The following TRIM67 variants were observed in gnomAD, a reference collection of about 807,000 sequenced individuals.
TRIM67 encodes the protein tripartite motif-containing protein 67.
Under a neutral mutation model 71.0 loss-of-function variants are expected in TRIM67, and 39 were observed. The ratio of observed to expected loss-of-function variants is 0.55; its 90% CI spans 0.43 to 0.72. TRIM67 has a LOEUF of 0.72. Among genes scored for constraint, TRIM67 ranks in the 30% least tolerant of loss-of-function variants. The pLI, the probability that TRIM67 is intolerant of heterozygous loss-of-function variation, is 0.00. For synonymous variants in TRIM67, 481 were observed against 473.9 expected, an observed-to-expected ratio of 1.01 and a Z score of -0.19; for missense variants, 973 against 1,079.2, an observed-to-expected ratio of 0.90 and a Z score of 1.38.
intron 1 of TRIM67, among the ~76,000 whole-genome samples, chr1:231,180,716 C>T (rs1208166299): frequency 1.3e-5 from 2 of 152,204 alleles, no homozygotes; most frequent in African/African-American, 4.8e-5. Context: ...AAATCCCTAA[C>T]ATCTGCACTC....
intron 1 of TRIM67, 145 bp from the exon 2 acceptor site, chr1:231,197,226 G>A: frequency 1.6e-6 from 1 of 629,900 alleles, no homozygotes; most frequent in Non-Finnish European, 2.8e-6. Context: ...TCATGGGTCA[G>A]TGGTGGTCCC....
rs1682326056 is a variant in TRIM67 at position 231,162,871 on chromosome 1, C to A, written c.-99C>A. ...ATGCCCGTGTGATGCCCCCGCCCGTCGTCTCACCGGGGCGCACCGCGCTGG... is the reference window on the plus strand; with the variant it reads ...ATGCCCGTGTGATGCCCCCGCCCGTAGTCTCACCGGGGCGCACCGCGCTGG... On this transcript the variant is annotated 5_prime_UTR_variant, in exon 1 of 10. Transcript: ENST00000366653. 20 of 1,480,052 alleles carry A rather than the reference C, an allele frequency of 1.4e-5. No individual in the cohort carries two copies. The highest frequency in any genetic ancestry group is 7.5e-5 in the East Asian group (3 of 40,144). The allele number at this position is 1,480,052 out of a possible 1,614,324, so 91.7% of individuals were successfully genotyped here.
intron 3 of TRIM67, 51 bp from the exon 4 acceptor site, chr1:231,200,097 C>A: frequency 1.4e-6 from 2 of 1,415,792 alleles, no homozygotes; most frequent in Non-Finnish European, 2.0e-6. Flanking sequence ...CGGTGGCCTG[C>A]CTGTTCTTCC....
At chr1:231,212,334 A>G (rs1683895167) in intron 8 of TRIM67, among the ~76,000 whole-genome samples, 1 of 152,158 alleles carries the variant, frequency 6.6e-6, no homozygotes, top group Non-Finnish European at 1.5e-5. Context: ...AAATCCTAAG[A>G]ACTTCATACA....
At chr1:231,206,910 G>A in intron 7 of TRIM67, 120 bp downstream of exon 7, 4 of 1,141,184 alleles carry the variant, frequency 3.5e-6, no homozygotes, top group Non-Finnish European at 2.4e-6. Flanking sequence ...GCTGGGCACG[G>A]CTGGGTTCTC....
intron 1 of TRIM67, chr1:231,186,124 G>A (rs1355731855): frequency 6.5e-7 from 1 of 1,533,224 alleles, no homozygotes; most frequent in South Asian, 1.2e-5. Context: ...GAATACATCG[G>A]TGAATGGATG....
rs1683705558 is a variant in TRIM67 at position 231,206,617 on chromosome 1, A to G, written c.1681-35A>G. 3 of 1,525,186 alleles carry G rather than the reference A, an allele frequency of 2.0e-6. 1 individual carries two copies. The highest frequency in any genetic ancestry group is 2.8e-5 in the African/African-American group (2 of 71,482). The allele number at this position is 1,525,186 out of a possible 1,614,324, so 94.5% of individuals were successfully genotyped here. A position where few individuals can be genotyped will look rare whatever the true frequency, so the allele number is the denominator to read the frequency against. ...TGCTAAGAGGAGCTTTCCAAATGCT[A>G]GAGGAGCCTGGTGAGCAGCATTGCT... On this transcript the variant is annotated intron_variant, in intron 6 of 9. Transcript: ENST00000366653.
chr1:231,206,103 T>G (rs1683687551), intron 6 of TRIM67, among the ~76,000 whole-genome samples: 1 of 152,138 alleles, frequency 6.6e-6, no homozygotes, highest in African/African-American at 2.4e-5. Flanking sequence ...AATTTCCCTT[T>G]TTAATAACTT....
chr1:231,162,978 A>G lies in TRIM67; in HGVS notation c.9A>G (p.Glu3=). 5 of 1,611,188 alleles carry G rather than the reference A, an allele frequency of 3.1e-6. No homozygotes were observed. The highest frequency in any genetic ancestry group is 4.2e-6 in the Non-Finnish European group (5 of 1,178,428). ME[E]ELKCPVCGSL... is the part of the protein sequence containing the mutation. ...TGGCAGCCGGCGCCGCGATGGAGGA[A>G]GAGCTGAAGTGTCCCGTGTGCGGCT... The change falls in exon 1 of 10, where the codon GAA becomes GAG. Residue 3 remains glutamate (E), a synonymous_variant. Coordinates refer to ENST00000366653, the MANE Select transcript of TRIM67 (RefSeq NM_001004342.5).
intron 1 of TRIM67, among the ~76,000 whole-genome samples, chr1:231,181,973 C>A (rs1682918464): frequency 6.6e-6 from 1 of 152,220 alleles, no homozygotes; most frequent in Non-Finnish European, 1.5e-5. Context: ...GGATATTTAG[C>A]ATACTTCCGC....
chr1:231,167,991 T>G (rs951750261), intron 1 of TRIM67, among the ~76,000 whole-genome samples: 1 of 152,004 alleles, frequency 6.6e-6, no homozygotes, highest in African/African-American at 2.4e-5. Context: ...AGACAGGGTC[T>G]CTCTCTGTTG....
chr1:231,180,924 G>T (rs545835669), intron 1 of TRIM67, among the ~76,000 whole-genome samples: 17 of 152,184 alleles, frequency 1.1e-4, no homozygotes, highest in Non-Finnish European at 1.9e-4. Context: ...AATGTGAGTG[G>T]GATGGATAGT....
At position 231,215,757 on chromosome 1, in the gene TRIM67, C is replaced by A. The variant is rs1683999775; in HGVS notation, c.*317C>A. 8.7e-7 allele frequency: 1 copy of A among 1,145,914 alleles called. No homozygotes were observed. Among genetic ancestry groups the A allele is most frequent in the African/African-American group, 1.6e-5 (1 of 62,614 alleles). The allele number at this position is 1,145,914 out of a possible 1,614,324, so 71.0% of individuals were successfully genotyped here. ...TCGGGCTTCATGTCTATGTTTCCTG[C>A]CATCTGTTTTCAAAGCTTGTCTTTT... On this transcript the variant is annotated 3_prime_UTR_variant, in exon 10 of 10. Transcript: ENST00000366653.
chr1:231,163,524 C>A lies in TRIM67; in HGVS notation c.555C>A (p.Ile185=), dbSNP rs996918173. The part of the protein sequence containing the change: ...GFQRNRLLEA[I]VQRYQQGRGA... Reference sequence around the variant, plus strand: ...AGCGCAACCGGCTGCTCGAGGCCATCGTGCAGCGGTACCAGCAGGGCCGCG... The same window carrying A: ...AGCGCAACCGGCTGCTCGAGGCCATAGTGCAGCGGTACCAGCAGGGCCGCG... Residue 185 remains isoleucine, a synonymous_variant, in exon 1 of 10, where the codon ATC becomes ATA. Coordinates refer to ENST00000366653, the MANE Select transcript of TRIM67 (RefSeq NM_001004342.5). 21 of 1,515,552 alleles carry A rather than the reference C, an allele frequency of 1.4e-5. No individual in the cohort carries two copies. Among genetic ancestry groups the A allele is most frequent in the Non-Finnish European group, 1.8e-5 (21 of 1,137,628 alleles). 93.9% of individuals were successfully genotyped at this position (1,515,552 alleles called of 1,614,324 possible).
chr1:231,169,267 C>G (rs113968776), intron 1 of TRIM67, among the ~76,000 whole-genome samples: 1,861 of 151,152 alleles, frequency 0.012, 16 homozygotes, highest in Middle Eastern at 0.031. Context: ...GTTGGCCAGG[C>G]TGGTCTTGAA....
chr1:231,214,620 C>CA lies in TRIM67; in HGVS notation c.2286+653dup, dbSNP rs570711072. Among the ~76,000 whole-genome samples, 796 of 145,842 alleles carry CA rather than the reference C, an allele frequency of 5.5e-3. 2 individuals carry two copies. The highest frequency in any genetic ancestry group is 7.9e-3 in the South Asian group (36 of 4,574). On this transcript the variant is annotated intron_variant, in intron 9 of 9. Coordinates refer to ENST00000366653, the MANE Select transcript of TRIM67 (RefSeq NM_001004342.5). Reference sequence around the variant, plus strand: ...TGAAACCCTGTCTCTACTAAAAATACAAAAAAAAAATAGCTGGGCATGGTA... The same window carrying CA: ...TGAAACCCTGTCTCTACTAAAAATACAAAAAAAAAAATAGCTGGGCATGGTA...
intron 1 of TRIM67, chr1:231,184,339 T>C (rs1469598760): frequency 6.6e-6 from 1 of 152,036 alleles, no homozygotes; most frequent in Non-Finnish European, 1.5e-5. Flanking sequence ...GTTCAGGTGG[T>C]AGAATGAGGA....
In TRIM67 at chr1:231,173,879, G is replaced by C. The variant is rs900982577; in HGVS notation, c.1044+9866G>C. On this transcript the variant is annotated intron_variant, in intron 1 of 9. Transcript: ENST00000366653. Reference sequence around the variant, plus strand: ...GTTTGGGCCATAAATATGGGGACTTGAATTAGGAGAGAGGCAGCAGAAATG... The same window carrying C: ...GTTTGGGCCATAAATATGGGGACTTCAATTAGGAGAGAGGCAGCAGAAATG... 2.6e-5 allele frequency among the ~76,000 whole-genome samples: 4 copies of C among 152,292 alleles called. No homozygotes were observed. The Middle Eastern group carries it at 0.01, about 389-fold the overall frequency.
chr1:231,206,127 AT>A (rs530000736), intron 6 of TRIM67, among the ~76,000 whole-genome samples: 41 of 150,634 alleles, frequency 2.7e-4, no homozygotes, highest in East Asian at 7.8e-4. Context: ...TTTGGTAAGA[AT>A]TTTTTTTTTA....
Sources: gnomAD v4.1 joint callset for allele counts (sites outside exome capture counted in the v4.1 genomes callset) on GRCh38, gnomAD v4.1.1 for gene constraint, MANE v1.5 for transcripts, NCBI Gene and HGNC (gene_info 2026-07-23, HGNC 2026-07-21) for gene names.